PSD3: variants seen among roughly 807,000 people sequenced by gnomAD.
PSD3 encodes pleckstrin and Sec7 domain containing 3.
In PSD3, 49 loss-of-function variants were observed where a neutral mutation model predicts 105.5. The observed-to-expected ratio is 0.46, with a 90% CI of 0.37 to 0.59. The LOEUF (loss-of-function observed/expected upper bound fraction) is 0.59. Among genes scored for constraint, PSD3 ranks in the 20% least tolerant of loss-of-function variants. The pLI is 0.00. For synonymous variants in PSD3, 557 were observed against 457.8 expected, an observed-to-expected ratio of 1.22 and a Z score of -2.77; for missense variants, 1,561 against 1,263.8, an observed-to-expected ratio of 1.24 and a Z score of -3.57.
chr8:18,903,796 T>C (rs1479296119), intron 2 of PSD3, among the ~76,000 whole-genome samples: 1 of 152,064 alleles, frequency 6.6e-6, no homozygotes, highest in East Asian at 1.9e-4. Context: ...AGGACCTTTC[T>C]GGGGGGCCAA....
chr8:18,675,315 T>C (rs1426747584), intron 9 of PSD3, among the ~76,000 whole-genome samples: 1 of 152,162 alleles, frequency 6.6e-6, no homozygotes, highest in Non-Finnish European at 1.5e-5. Context: ...TTCTGAGTAG[T>C]AGAGCTGACG....
At chr8:18,966,111 G>A (rs1824226834) in intron 1 of PSD3, among the ~76,000 whole-genome samples, 1 of 152,130 alleles carries the variant, frequency 6.6e-6, no homozygotes, top group African/African-American at 2.4e-5. Context: ...GAAAACAGTC[G>A]ACTTGAATCT....
intron 2 of PSD3, among the ~76,000 whole-genome samples, chr8:18,921,250 C>G (rs551105633): frequency 6.6e-6 from 1 of 152,178 alleles, no homozygotes; most frequent in African/African-American, 2.4e-5. Flanking sequence ...TATCAAACTA[C>G]AGTTTAAATG....
intron 4 of PSD3, among the ~76,000 whole-genome samples, chr8:18,816,908 G>C (rs1352250641): frequency 6.6e-6 from 1 of 152,226 alleles, no homozygotes; most frequent in Non-Finnish European, 1.5e-5. Flanking sequence ...TGCAAGAGGA[G>C]AGGGAGGGGT....
intron 14 of PSD3, among the ~76,000 whole-genome samples, chr8:18,565,443 G>C (rs1318302490): frequency 6.6e-6 from 1 of 152,152 alleles, no homozygotes; most frequent in Non-Finnish European, 1.5e-5. Context: ...TGTTCAGAAA[G>C]TACCACGCTG....
chr8:18,726,418 A>G (rs1803337972), intron 9 of PSD3, among the ~76,000 whole-genome samples: 4 of 152,168 alleles, frequency 2.6e-5, no homozygotes. Context: ...TAATTCCCCA[A>G]TATTCTCTTG....
In PSD3 at chr8:18,764,281, G is replaced by A. The variant is rs988729175; in HGVS notation, c.2172+1168C>T. Among the ~76,000 whole-genome samples, 7 of 152,178 alleles carry A rather than the reference G, an allele frequency of 4.6e-5. No homozygotes were observed. In the East Asian group the frequency reaches 9.7e-4, roughly 21 times the overall value. On this transcript the variant is annotated intron_variant, in intron 9 of 15. Coordinates refer to ENST00000327040, the MANE Select transcript of PSD3 (RefSeq NM_015310.4). ...GAAAAAAGTCTTGTTAACACCATAC[G>A]GATTCAATGGAAGATGTAAAACATC...
At chr8:18,807,255 A>G (rs1168580905) in intron 4 of PSD3, among the ~76,000 whole-genome samples, 1 of 152,206 alleles carries the variant, frequency 6.6e-6, no homozygotes, top group Non-Finnish European at 1.5e-5. Flanking sequence ...CTGAAAAAGC[A>G]GCCAGGGCTC....
chr8:18,977,160 T>C (rs541900425), intron 1 of PSD3, among the ~76,000 whole-genome samples: 2 of 149,644 alleles, frequency 1.3e-5, no homozygotes, highest in East Asian at 3.9e-4. Context: ...CTTGGGAGGC[T>C]GAGGCAGGAG....
At chr8:18,640,079 A>C (rs1807530925) in intron 10 of PSD3, among the ~76,000 whole-genome samples, 2 of 152,172 alleles carry the variant, frequency 1.3e-5, no homozygotes, top group Non-Finnish European at 2.9e-5. Context: ...ACTTTCAAAA[A>C]ACAGCTCTTG....
intron 9 of PSD3, among the ~76,000 whole-genome samples, chr8:18,698,273 A>AT (rs1563180232): frequency 7.9e-5 from 12 of 152,024 alleles, no homozygotes. Context: ...TAGTTTTAAC[A>AT]TTTTTTAATT....
At chr8:18,801,042 A>C (rs1337050265) in intron 7 of PSD3, 9 of 344,566 alleles carry the variant, frequency 2.6e-5, no homozygotes, top group Non-Finnish European at 1.0e-5. Flanking sequence ...AGAATATTTA[A>C]TGACATGAGA....
chr8:18,859,222 TC>T (rs1816249974), intron 4 of PSD3, among the ~76,000 whole-genome samples: 1 of 140,090 alleles, frequency 7.1e-6, no homozygotes, highest in African/African-American at 2.8e-5. Flanking sequence ...TTCAAAGAAA[TC>T]CTTTTTTTTT....
At position 18,593,872 on chromosome 8, in the gene PSD3, G is replaced by C. The variant is rs569399215; in HGVS notation, c.2481+6492C>G. On this transcript the variant is annotated intron_variant, in intron 12 of 15. Transcript: ENST00000327040. ...CATCATTCTCAGCAAACTATCACAA[G>C]GACAAAAAACCAAACACCGCATGCT... 4.1e-4 allele frequency among the ~76,000 whole-genome samples: 60 copies of C among 147,660 alleles called. 1 individual carries two copies. The highest frequency in any genetic ancestry group is 1.2e-3 in the African/African-American group (46 of 39,806).
At chr8:18,687,047 C>G (rs922886188) in intron 9 of PSD3, among the ~76,000 whole-genome samples, 4 of 152,338 alleles carry the variant, frequency 2.6e-5, no homozygotes, top group African/African-American at 9.6e-5. Context: ...ACCTGCATCT[C>G]AGAGGCCAAA....
rs188855074 is a variant in PSD3 at position 18,689,597 on chromosome 8, T to C, written c.2173-33912A>G. Among the ~76,000 whole-genome samples the C allele has an allele frequency of 3.3e-3, 504 of 152,284 alleles. 3 individuals carry two copies. Among genetic ancestry groups the C allele is most frequent in the African/African-American group, 0.011 (458 of 41,544 alleles). ...GCCTATTTTCAGAACAGAATGGCGG[T>C]TGTAACACTCAGTTAATTCAAAAGG... On this transcript the variant is annotated intron_variant, in intron 9 of 15. Coordinates refer to ENST00000327040, the MANE Select transcript of PSD3 (RefSeq NM_015310.4).
rs540687854 is a variant in PSD3, at chr8:19,051,775, C to T, written c.324+32431G>A. Among the ~76,000 whole-genome samples the T allele has an allele frequency of 1.2e-4, 19 of 152,244 alleles. No homozygotes were observed. The South Asian group carries it at 1.5e-3, about 12-fold the overall frequency. Reference sequence around the variant, plus strand: ...ACATTTGGTTCATCATTGTATCCACCGTACCTAGCATAGTACAAGAGCTCA... The same window carrying T: ...ACATTTGGTTCATCATTGTATCCACTGTACCTAGCATAGTACAAGAGCTCA... On this transcript the variant is annotated intron_variant, in intron 1 of 1. Transcript: ENST00000521475.
intron 9 of PSD3, among the ~76,000 whole-genome samples, chr8:18,729,388 C>G (rs1430347430): frequency 6.6e-6 from 1 of 152,184 alleles, no homozygotes; most frequent in African/African-American, 2.4e-5. Flanking sequence ...TTAGTCCATA[C>G]TCAATACCAA....
At chr8:19,023,595 C>A (rs1217623985) in intron 1 of PSD3, among the ~76,000 whole-genome samples, 3 of 151,748 alleles carry the variant, frequency 2.0e-5, no homozygotes, top group African/African-American at 7.3e-5. Flanking sequence ...CCGCACCCCA[C>A]TGAATATTAT....
Sources: allele counts gnomAD v4.1 joint callset (sites outside exome capture counted in the v4.1 genomes callset), GRCh38; gene constraint gnomAD v4.1.1; transcripts MANE v1.5; gene names NCBI Gene and HGNC (gene_info 2026-07-23, HGNC 2026-07-21).